TRAPPC8: variants seen among roughly 807,000 people sequenced by gnomAD.
TRAPPC8 encodes the protein trafficking protein particle complex subunit 8.
A neutral mutation model predicts 174.3 loss-of-function variants in TRAPPC8; 54 were observed. That is an observed-to-expected ratio of 0.31 (90% confidence interval 0.25 to 0.39). The LOEUF (loss-of-function observed/expected upper bound fraction) is 0.39, where lower values mean the gene tolerates loss of function less well. Among genes scored for constraint, TRAPPC8 ranks in the 10% least tolerant of loss-of-function variants. The pLI is 1.00. For synonymous variants in TRAPPC8, 630 were observed against 579.9 expected, an observed-to-expected ratio of 1.09 and a Z score of -1.24; for missense variants, 1,531 against 1,699.1, an observed-to-expected ratio of 0.90 and a Z score of 1.74.
At chr18:31,859,296 G>GA (rs953381432) in intron 19 of TRAPPC8, among the ~76,000 whole-genome samples, 20 of 151,892 alleles carry the variant, frequency 1.3e-4, no homozygotes, top group African/African-American at 4.6e-4. Flanking sequence ...TTCTTAAAAA[G>GA]AAAAAAATCA....
chr18:31,839,168 G>T, intron 27 of TRAPPC8, 144 bp downstream of exon 27: 1 of 653,844 alleles, frequency 1.5e-6, no homozygotes, highest in Non-Finnish European at 2.4e-6. Context: ...AACTTGAACT[G>T]TTTAGTTCAA....
chr18:31,830,645 G>A lies in TRAPPC8; in HGVS notation c.*110C>T. The stretch of plus-strand genomic sequence containing the variant: ...AATGACAAGTCAAAGTATTTTGCAG[G>A]GATCAGATATCAATCAACCTCCATA... On this transcript the variant is annotated 3_prime_UTR_variant, in exon 29 of 29. Transcript: ENST00000283351. 1.2e-6 allele frequency: 1 copy of A among 856,706 alleles called. No homozygotes were observed. The highest frequency in any genetic ancestry group is 2.7e-5 in the East Asian group (1 of 37,122). The allele number at this position is 856,706 out of a possible 1,614,324, so 53.1% of individuals were successfully genotyped here. A position where few individuals can be genotyped will look rare whatever the true frequency, so the allele number is the denominator to read the frequency against.
At chr18:31,848,994 C>T (rs1164342008) in intron 25 of TRAPPC8, among the ~76,000 whole-genome samples, 1 of 151,882 alleles carries the variant, frequency 6.6e-6, no homozygotes, top group Non-Finnish European at 1.5e-5. Flanking sequence ...CTGGAAAAAA[C>T]TGAACACAGA....
chr18:31,875,988 TA>T (rs925498024), intron 12 of TRAPPC8, among the ~76,000 whole-genome samples: 9 of 152,118 alleles, frequency 5.9e-5, no homozygotes, highest in African/African-American at 2.2e-4. Flanking sequence ...GACCTAGCGT[TA>T]GACAGATCAG....
intron 18 of TRAPPC8, among the ~76,000 whole-genome samples, chr18:31,865,330 T>A (rs1279533002): frequency 1.3e-5 from 2 of 151,968 alleles, no homozygotes; most frequent in Admixed American, 6.6e-5. Context: ...CATGTGAAAT[T>A]TTTCCCAAAA....
At chr18:31,876,385 G>A (rs915550237) in intron 12 of TRAPPC8, among the ~76,000 whole-genome samples, 1 of 149,776 alleles carries the variant, frequency 6.7e-6, no homozygotes, top group African/African-American at 2.5e-5. Flanking sequence ...AGCTACTCAG[G>A]AGGCTGAGGC....
intron 12 of TRAPPC8, among the ~76,000 whole-genome samples, chr18:31,884,104 G>A (rs1568088774): frequency 6.6e-6 from 1 of 152,094 alleles, no homozygotes; most frequent in East Asian, 1.9e-4. Flanking sequence ...CAGAAGAATC[G>A]CTTGAACCTG....
Position 31,841,717 on chromosome 18 carries a change from C to T in TRAPPC8, c.3838-2260G>A, listed in dbSNP as rs114655919. The stretch of plus-strand genomic sequence containing the variant: ...CAGAGGATTCAGATTATGAGGACTT[C>T]TACCTATACCTCACAGGGTTGTAAT... On this transcript the variant is annotated intron_variant, in intron 26 of 28. Transcript: ENST00000283351. Among the ~76,000 whole-genome samples, 1,100 of 152,230 alleles carry T rather than the reference C, an allele frequency of 7.2e-3. 15 individuals carry two copies. Among genetic ancestry groups the T allele is most frequent in the African/African-American group, 0.025 (1,055 of 41,528 alleles).
Position 31,935,548 on chromosome 18 carries a change from T to TGAAGAAAAAAAAAAAAAA in TRAPPC8, c.158-4026_158-4025insTTTTTTTTTTTTTTCTTC, listed in dbSNP as rs745488703. On this transcript the variant is annotated intron_variant, in intron 1 of 28. Transcript: ENST00000283351. Reference sequence around the variant, plus strand: ...GGGCAACAAGAGCGAAACTCCATCTTAAAAAAAAAAAAAAAAAAAAGCAGG... The same window carrying TGAAGAAAAAAAAAAAAAA: ...GGGCAACAAGAGCGAAACTCCATCTTGAAGAAAAAAAAAAAAAAAAAAAAAAAAAAAAAAAAAAGCAGG... 1.5e-4 allele frequency among the ~76,000 whole-genome samples: 7 copies of TGAAGAAAAAAAAAAAAAA among 46,286 alleles called. 1 individual carries two copies. The allele number at this position is 46,286 out of a possible 152,430, so 30.4% of individuals were successfully genotyped here.
chr18:31,866,629 A>T (rs774959295), intron 18 of TRAPPC8, among the ~76,000 whole-genome samples: 23 of 152,228 alleles, frequency 1.5e-4, no homozygotes, highest in Non-Finnish European at 2.2e-4. Flanking sequence ...AAAATTAACA[A>T]AAGAAAATAT....
intron 12 of TRAPPC8, among the ~76,000 whole-genome samples, 164 bp from the exon 13 acceptor site, chr18:31,874,868 C>A (rs2035066037): frequency 6.6e-6 from 1 of 152,064 alleles, no homozygotes; most frequent in African/African-American, 2.4e-5. Flanking sequence ...AATCCCTTCA[C>A]AATTATATAT....
At chr18:31,871,599 C>G (rs1254955307) in intron 14 of TRAPPC8, among the ~76,000 whole-genome samples, 2 of 152,074 alleles carry the variant, frequency 1.3e-5, no homozygotes, top group African/African-American at 4.8e-5. Flanking sequence ...TAAAGTGTAT[C>G]ATTTTCATCC....
rs565377853 is a variant in TRAPPC8, at chr18:31,925,527, T to C, written c.352+5802A>G. The stretch of plus-strand genomic sequence containing the variant: ...AACATTAGAGGATCAACTCAGGAAG[T>C]TCTACATCCAACTAACAGTAGTTTC... On this transcript the variant is annotated intron_variant, in intron 2 of 28. Coordinates refer to ENST00000283351, the MANE Select transcript of TRAPPC8 (RefSeq NM_014939.5). 9.9e-4 allele frequency among the ~76,000 whole-genome samples: 150 copies of C among 152,132 alleles called. 1 individual carries two copies. Among genetic ancestry groups the C allele is most frequent in the African/African-American group, 1.8e-3 (74 of 41,512 alleles).
intron 19 of TRAPPC8, among the ~76,000 whole-genome samples, chr18:31,864,052 T>G (rs1309843323): frequency 6.8e-6 from 1 of 147,966 alleles, no homozygotes; most frequent in Non-Finnish European, 1.5e-5. Context: ...AAAATATATA[T>G]TTATATTATG....
rs139399775 is a variant in TRAPPC8, at chr18:31,844,124, G to A, written c.3837+2592C>T. Among the ~76,000 whole-genome samples, 583 of 152,154 alleles carry A rather than the reference G, an allele frequency of 3.8e-3. 2 individuals carry two copies. Among genetic ancestry groups the A allele is most frequent in the Non-Finnish European group, 6.6e-3 (451 of 67,982 alleles). Reference sequence around the variant, plus strand: ...TCAACCATTTTTCCAAGGAACCCTGGCTCCTTTTATTGGAGAACAGTCAGT... The same window carrying A: ...TCAACCATTTTTCCAAGGAACCCTGACTCCTTTTATTGGAGAACAGTCAGT... On this transcript the variant is annotated intron_variant, in intron 26 of 28. Coordinates refer to ENST00000283351, the MANE Select transcript of TRAPPC8 (RefSeq NM_014939.5).
rs193219577 is a variant in TRAPPC8 at position 31,929,470 on chromosome 18, T to C, written c.352+1859A>G. On this transcript the variant is annotated intron_variant, in intron 2 of 28. Transcript: ENST00000283351. The stretch of plus-strand genomic sequence containing the variant: ...TAAGTCCAGGAGTTCAAGGCTGCAA[T>C]GAGCAATGATTACACCACTACACTC... 1.6e-3 allele frequency among the ~76,000 whole-genome samples: 245 copies of C among 152,134 alleles called. 4 individuals are homozygous for C. Among genetic ancestry groups the C allele is most frequent in the Admixed American group, 2.6e-3 (40 of 15,264 alleles).
chr18:31,901,088 AAACT>A, intron 9 of TRAPPC8, 63 bp from the exon 10 acceptor site: 1 of 1,414,890 alleles, frequency 7.1e-7, no homozygotes, highest in South Asian at 1.3e-5. Flanking sequence ...TTTAGATGGG[AAACT>A]AAAAGTTGGA....
chr18:31,902,740 G>T (rs551108864), intron 9 of TRAPPC8, among the ~76,000 whole-genome samples: 1 of 152,146 alleles, frequency 6.6e-6, no homozygotes, highest in South Asian at 2.1e-4. Flanking sequence ...CCCATTTGCC[G>T]GGTTTTCTGT....
rs759441223 is a variant in TRAPPC8, at chr18:31,857,868, G to A, written c.2860C>T (p.Arg954Cys). 6.5e-5 allele frequency: 105 copies of A among 1,614,038 alleles called. No homozygotes were observed. Among genetic ancestry groups the A allele is most frequent in the Admixed American group, 1.5e-4 (9 of 59,986 alleles). Residue 954 changes from arginine (R) to cysteine (C), a missense_variant, in exon 20 of 29, where the codon CGT becomes TGT. Arg to Cys is a radical substitution (Grantham distance 180). Transcript: ENST00000283351. ...PLTGLKVVSK[R>C]PEFFTFGGNT... is the part of the protein sequence containing the mutation. ...CCACCGAAAGTAAAGAACTCTGGAC[G>A]TTTAGAAACAACCTTCAATCCAGTA...
Sources: allele counts gnomAD v4.1 joint callset (sites outside exome capture counted in the v4.1 genomes callset), GRCh38; gene constraint gnomAD v4.1.1; transcripts MANE v1.5; gene names NCBI Gene and HGNC (gene_info 2026-07-23, HGNC 2026-07-21).